The following MACO1 variants were observed in gnomAD, a reference collection of about 807,000 sequenced individuals.
The protein encoded by MACO1 is macoilin 1, also known as macoilin.
MACO1 carries 14 observed loss-of-function variants against 78.7 expected under a neutral mutation model. That is an observed-to-expected ratio of 0.18 (90% CI 0.12 to 0.28). The LOEUF is 0.28. Among genes scored for constraint, MACO1 ranks in the 10% least tolerant of loss-of-function variants. The pLI is 1.00. For synonymous variants in MACO1, 288 were observed against 291.6 expected, an observed-to-expected ratio of 0.99 and a Z score of 0.12; for missense variants, 501 against 799.0, an observed-to-expected ratio of 0.63 and a Z score of 4.50.
At chr1:25,466,875 A>C (rs906777950) in intron 6 of MACO1, among the ~76,000 whole-genome samples, 1 of 152,072 alleles carries the variant, frequency 6.6e-6, no homozygotes, top group Admixed American at 6.6e-5. Flanking sequence ...TTTTTCACTT[A>C]AATTATATAA....
chr1:25,454,460 G>A (rs377730578), intron 4 of MACO1, 78 bp downstream of exon 4: 30 of 201,958 alleles, frequency 1.5e-4, no homozygotes, highest in South Asian at 8.5e-4. Context: ...GTGTGTGTGT[G>A]TGTGTGTGTG....
rs868790148 is a variant in MACO1 at position 25,499,960 on chromosome 1, G to A, written c.*1494G>A. 6.6e-6 allele frequency: 1 copy of A among 152,072 alleles called. No homozygotes were observed. The highest frequency in any genetic ancestry group is 2.4e-5 in the African/African-American group (1 of 41,400). 9.4% of individuals were successfully genotyped at this position (152,072 alleles called of 1,614,324 possible). A position where few individuals can be genotyped will look rare whatever the true frequency, so the allele number is the denominator to read the frequency against. The stretch of plus-strand genomic sequence containing the variant: ...AAAAAATACTTCTAGCTTTAGCCAG[G>A]TGTGCATGTTGCTGCCATTTTGCAT... On this transcript the variant is annotated 3_prime_UTR_variant, in exon 11 of 11. Coordinates refer to ENST00000374343, the MANE Select transcript of MACO1 (RefSeq NM_018202.6).
intron 6 of MACO1, among the ~76,000 whole-genome samples, chr1:25,482,106 A>G (rs1253594866): frequency 6.6e-6 from 1 of 152,136 alleles, no homozygotes; most frequent in Non-Finnish European, 1.5e-5. Context: ...TTCCAAAGAG[A>G]TCACCATTGC....
At position 25,485,843 on chromosome 1, in the gene MACO1, A is replaced by G; in HGVS notation, c.1496+48A>G. On this transcript the variant is annotated intron_variant, in intron 8 of 10. Transcript: ENST00000374343. This position sits in a 1 kb window ranked among gnomAD's most constrained non-coding sequence, Gnocchi z 4.3. Reference sequence around the variant, plus strand: ...TTTAATCCAAGGTTGGCTTTCCTTTACCAACAAAGACATGGGAATTTGGTG... The same window carrying G: ...TTTAATCCAAGGTTGGCTTTCCTTTGCCAACAAAGACATGGGAATTTGGTG... 1 of 1,562,294 alleles carries G rather than the reference A, an allele frequency of 6.4e-7. No homozygotes were observed. The highest frequency in any genetic ancestry group is 8.7e-7 in the Non-Finnish European group (1 of 1,154,508).
chr1:25,481,356 T>G (rs1245525365), intron 6 of MACO1, among the ~76,000 whole-genome samples: 1 of 152,106 alleles, frequency 6.6e-6, no homozygotes, highest in African/African-American at 2.4e-5. Context: ...TAGCCCAAAC[T>G]GGGAGGAACT....
chr1:25,481,137 A>G (rs1239982416), intron 6 of MACO1, among the ~76,000 whole-genome samples: 1 of 151,884 alleles, frequency 6.6e-6, no homozygotes, highest in Non-Finnish European at 1.5e-5. Flanking sequence ...AAGATTAAAA[A>G]ATGAAAGAAA....
chr1:25,434,733 A>G (rs371508918), intron 1 of MACO1, among the ~76,000 whole-genome samples: 7 of 152,286 alleles, frequency 4.6e-5, no homozygotes, highest in East Asian at 1.9e-4. Context: ...AATTATGAAC[A>G]TAAGTTATTA....
intron 5 of MACO1, 41 bp downstream of exon 5, chr1:25,456,872 C>G (rs1453444589): frequency 3.3e-6 from 5 of 1,535,672 alleles, no homozygotes; most frequent in Non-Finnish European, 4.4e-6. Context: ...ATAGGCTAGT[C>G]ATTATTTTGT....
intron 1 of MACO1, among the ~76,000 whole-genome samples, chr1:25,434,213 A>G (rs755430318): frequency 6.6e-6 from 1 of 152,242 alleles, no homozygotes; most frequent in Non-Finnish European, 1.5e-5. Context: ...ATTTTAGTCC[A>G]GTTAATAATT....
chr1:25,441,809 T>C (rs759711379), intron 1 of MACO1, among the ~76,000 whole-genome samples: 2 of 152,134 alleles, frequency 1.3e-5, no homozygotes, highest in Non-Finnish European at 2.9e-5. Context: ...TAATTGTACT[T>C]AGGTAGGGAT....
chr1:25,453,089 T>G (rs2043082442), intron 3 of MACO1, among the ~76,000 whole-genome samples: 1 of 147,686 alleles, frequency 6.8e-6, no homozygotes, highest in South Asian at 2.2e-4. Flanking sequence ...CACCGCAACC[T>G]CTGCCTCCCG....
At position 25,498,486 on chromosome 1, in the gene MACO1, C is replaced by T; in HGVS notation, c.*20C>T. ...AAATGAAGGCCAGCTGTGTGTTGTG[C>T]CCAAAAATTTGGTTACCGGAAGGCA... On this transcript the variant is annotated 3_prime_UTR_variant, in exon 11 of 11. Coordinates refer to ENST00000374343, the MANE Select transcript of MACO1 (RefSeq NM_018202.6). 1 of 1,568,486 alleles carries T rather than the reference C, an allele frequency of 6.4e-7. No homozygotes were observed. Among genetic ancestry groups the T allele is most frequent in the Non-Finnish European group, 8.6e-7 (1 of 1,161,982 alleles).
intron 1 of MACO1, among the ~76,000 whole-genome samples, chr1:25,436,352 G>C (rs546315904): frequency 1.3e-5 from 2 of 152,010 alleles, no homozygotes; most frequent in Non-Finnish European, 2.9e-5. Context: ...CTACCATCTT[G>C]TGGAGTTTGG....
At chr1:25,453,099 G>A (rs1185479503) in intron 3 of MACO1, among the ~76,000 whole-genome samples, 4 of 149,288 alleles carry the variant, frequency 2.7e-5, no homozygotes, top group Non-Finnish European at 3.0e-5. Context: ...TCTGCCTCCC[G>A]GGTTCAAGCG....
chr1:25,442,467 C>T (rs1193517354), intron 1 of MACO1, among the ~76,000 whole-genome samples: 1 of 152,142 alleles, frequency 6.6e-6, no homozygotes, highest in Non-Finnish European at 1.5e-5. Context: ...GGCCATTAGT[C>T]TGCCTAGGGA....
intron 3 of MACO1, among the ~76,000 whole-genome samples, chr1:25,449,813 G>A (rs1011262326): frequency 1.3e-5 from 2 of 152,248 alleles, no homozygotes; most frequent in African/African-American, 4.8e-5. Flanking sequence ...GAGGTCAGGA[G>A]TTTGAAACCA....
chr1:25,456,880 T>C, intron 5 of MACO1, 49 bp downstream of exon 5: 1 of 1,527,702 alleles, frequency 6.5e-7, no homozygotes, highest in African/African-American at 1.4e-5. Context: ...GTCATTATTT[T>C]GTCTCTTGGT....
intron 5 of MACO1, 90 bp from the exon 6 acceptor site, chr1:25,458,301 A>G (rs2043140478): frequency 1.3e-6 from 2 of 1,491,628 alleles, no homozygotes; most frequent in Non-Finnish European, 8.9e-7. Context: ...TTAAGTGTAG[A>G]TAATAGTTTG....
At chr1:25,453,721 A>G (rs1465617579) in intron 3 of MACO1, among the ~76,000 whole-genome samples, 1 of 151,850 alleles carries the variant, frequency 6.6e-6, no homozygotes, top group East Asian at 1.9e-4. Flanking sequence ...ACAAGTATTT[A>G]AATTTAAATA....
Sources: gnomAD v4.1 joint callset for allele counts (sites outside exome capture counted in the v4.1 genomes callset) on GRCh38, gnomAD v4.1.1 for gene constraint, Gnocchi (gnomAD v3.1) non-coding constraint, MANE v1.5 for transcripts, NCBI Gene and HGNC (gene_info 2026-07-23, HGNC 2026-07-21) for gene names.